PRKG1: variants seen among roughly 807,000 people sequenced by gnomAD.
PRKG1 encodes the protein cGMP-dependent protein kinase 1.
Under a neutral mutation model 88.1 loss-of-function variants are expected in PRKG1, and 35 were observed. The observed-to-expected ratio is 0.40, with a 90% CI of 0.30 to 0.53. The LOEUF is 0.53. Ranked by LOEUF, PRKG1 falls within the 20% of genes least tolerant of loss-of-function variation. PRKG1 has a pLI of 0.59. For missense variants in PRKG1, 540 were observed against 839.8 expected, an observed-to-expected ratio of 0.64 and a Z score of 4.41; for synonymous variants, 303 against 292.5, an observed-to-expected ratio of 1.04 and a Z score of -0.37.
At chr10:51,251,683 G>A (rs900784721) in intron 2 of PRKG1, among the ~76,000 whole-genome samples, 1 of 151,670 alleles carries the variant, frequency 6.6e-6, no homozygotes, top group African/African-American at 2.4e-5. Context: ...CACTCCTTGG[G>A]AAGAGGTAAC....
intron 3 of PRKG1, among the ~76,000 whole-genome samples, chr10:51,473,478 T>C (rs10997699): frequency 0.16 from 24,600 of 151,802 alleles, 2,492 homozygotes; most frequent in Non-Finnish European, 0.23. Context: ...CAAAAATTCA[T>C]GTCCAATTTC....
chr10:51,450,045 G>A (rs1839389592), intron 2 of PRKG1, among the ~76,000 whole-genome samples: 3 of 151,870 alleles, frequency 2.0e-5, no homozygotes, highest in Non-Finnish European at 2.9e-5. Context: ...ATGTTTGGAA[G>A]GGACATATTA....
At chr10:51,272,886 A>C (rs1589299952) in intron 2 of PRKG1, among the ~76,000 whole-genome samples, 1 of 152,176 alleles carries the variant, frequency 6.6e-6, no homozygotes, top group East Asian at 1.9e-4. Flanking sequence ...CTCTGAGCCC[A>C]ACTGCAATAA....
In PRKG1 at chr10:51,154,249, G is replaced by A. The variant is rs991547356; in HGVS notation, c.478+919G>A. Among the ~76,000 whole-genome samples, 4 of 151,816 alleles carry A rather than the reference G, an allele frequency of 2.6e-5. No homozygotes were observed. In the South Asian group the frequency reaches 8.3e-4, roughly 32 times the overall value. On this transcript the variant is annotated intron_variant, in intron 2 of 17. Coordinates refer to ENST00000373980, the MANE Select transcript of PRKG1 (RefSeq NM_006258.4). ...AAAAAAGAAGATATTCTTTCTTTCT[G>A]CCAGTGGTTTTCAACTGATGATGAT...
chr10:51,890,427 C>A (rs1177726731), intron 4 of PRKG1, among the ~76,000 whole-genome samples: 1 of 152,110 alleles, frequency 6.6e-6, no homozygotes, highest in Non-Finnish European at 1.5e-5. Flanking sequence ...TGTCACTTGA[C>A]TGCAAAAATC....
At chr10:51,048,781 G>C (rs1483714071) in intron 1 of PRKG1, among the ~76,000 whole-genome samples, 1 of 152,074 alleles carries the variant, frequency 6.6e-6, no homozygotes, top group African/African-American at 2.4e-5. Context: ...TACTTCAGTA[G>C]TATGTGTACA....
chr10:52,218,073 G>T (rs551243424), intron 9 of PRKG1, among the ~76,000 whole-genome samples: 3 of 151,778 alleles, frequency 2.0e-5, no homozygotes, highest in Admixed American at 2.0e-4. Flanking sequence ...TTAGCTGGGC[G>T]TGGTGGCACA....
intron 1 of PRKG1, among the ~76,000 whole-genome samples, chr10:51,030,920 C>G (rs781499306): frequency 5.9e-5 from 9 of 152,138 alleles, no homozygotes; most frequent in Non-Finnish European, 1.0e-4. Context: ...TCAGGTATTC[C>G]TTTATGGCAA....
chr10:51,239,619 G>C (rs923020522), intron 2 of PRKG1, among the ~76,000 whole-genome samples: 4 of 152,194 alleles, frequency 2.6e-5, no homozygotes, highest in Non-Finnish European at 5.9e-5. Flanking sequence ...ACACTAGACA[G>C]ATCTGCAGTG....
chr10:52,123,264 C>A (rs766502733), intron 7 of PRKG1, among the ~76,000 whole-genome samples: 1 of 152,072 alleles, frequency 6.6e-6, no homozygotes, highest in Non-Finnish European at 1.5e-5. Context: ...GGATATAGAT[C>A]GAAGAGGATA....
intron 2 of PRKG1, among the ~76,000 whole-genome samples, chr10:51,448,650 G>T (rs1839345221): frequency 6.6e-6 from 1 of 151,912 alleles, no homozygotes; most frequent in African/African-American, 2.4e-5. Flanking sequence ...TATCTTCTTG[G>T]TGCACTGAAA....
At chr10:51,146,609 G>A (rs1414952910) in intron 1 of PRKG1, among the ~76,000 whole-genome samples, 3 of 151,850 alleles carry the variant, frequency 2.0e-5, no homozygotes, top group African/African-American at 7.3e-5. Context: ...TATTTTTGTT[G>A]TCTATGCTTT....
chr10:51,673,720 A>G (rs1374660414), intron 3 of PRKG1, among the ~76,000 whole-genome samples: 3 of 152,220 alleles, frequency 2.0e-5, no homozygotes, highest in East Asian at 1.9e-4. Context: ...CATCAGAAAT[A>G]TAAATCCACC....
At chr10:51,834,757 A>G (rs1840090377) in intron 4 of PRKG1, among the ~76,000 whole-genome samples, 1 of 151,920 alleles carries the variant, frequency 6.6e-6, no homozygotes, top group Admixed American at 6.6e-5. Flanking sequence ...AAAAGAAAGG[A>G]AAAGAAAAGA....
At chr10:52,128,850 C>A (rs1183804812) in intron 7 of PRKG1, among the ~76,000 whole-genome samples, 1 of 152,092 alleles carries the variant, frequency 6.6e-6, no homozygotes, top group Non-Finnish European at 1.5e-5. Context: ...TTTTTAGAGA[C>A]AATTTGCATG....
chr10:51,293,857 G>A (rs987168637), intron 2 of PRKG1, among the ~76,000 whole-genome samples: 1 of 152,098 alleles, frequency 6.6e-6, no homozygotes, highest in Non-Finnish European at 1.5e-5. Context: ...TTCTGTATAA[G>A]AGTTCCGTTT....
rs140832845 is a variant in PRKG1, at chr10:52,115,620, C to T, written c.936-18220C>T. On this transcript the variant is annotated intron_variant, in intron 7 of 17. Coordinates refer to ENST00000373980, the MANE Select transcript of PRKG1 (RefSeq NM_006258.4). ...CCCATTCCCCTTCCTCACTCCATCTCATAGTCAGGGTTGGGATATTCCCAT... is the reference window on the plus strand; with the variant it reads ...CCCATTCCCCTTCCTCACTCCATCTTATAGTCAGGGTTGGGATATTCCCAT... Among the ~76,000 whole-genome samples the T allele has an allele frequency of 2.7e-3, 406 of 152,238 alleles. 5 individuals carry two copies. Among genetic ancestry groups the T allele is most frequent in the African/African-American group, 9.1e-3 (380 of 41,544 alleles).
chr10:52,241,241 C>G (rs536186519), intron 9 of PRKG1, among the ~76,000 whole-genome samples: 1 of 152,152 alleles, frequency 6.6e-6, no homozygotes, highest in East Asian at 1.9e-4. Flanking sequence ...GAAGCAAGAG[C>G]TTTAGGAGCC....
At chr10:51,956,972 C>T (rs1273645904) in intron 5 of PRKG1, among the ~76,000 whole-genome samples, 1 of 151,186 alleles carries the variant, frequency 6.6e-6, no homozygotes, top group Non-Finnish European at 1.5e-5. Context: ...CTTCCTTCCT[C>T]TTTCTCTCTC....
Sources: allele counts gnomAD v4.1 joint callset (sites outside exome capture counted in the v4.1 genomes callset), GRCh38; gene constraint gnomAD v4.1.1; transcripts MANE v1.5; gene names NCBI Gene and HGNC (gene_info 2026-07-23, HGNC 2026-07-21).